The following PMFBP1 variants were observed in gnomAD, a reference collection of about 807,000 sequenced individuals.
PMFBP1 encodes polyamine modulated factor 1 binding protein 1.
In PMFBP1, 131 loss-of-function variants were observed where a neutral mutation model predicts 137.8. That is an observed-to-expected ratio of 0.95 (90% CI 0.82 to 1.10). PMFBP1 has a LOEUF of 1.10. Ranked by LOEUF, PMFBP1 falls within the 50% of genes least tolerant of loss-of-function variation. PMFBP1 has a pLI of 0.00. For synonymous variants in PMFBP1, 490 were observed against 450.4 expected (o/e 1.09, Z -1.11); for missense variants, 1,199 against 1,175.4 (o/e 1.02, Z -0.29).
intron 19 of PMFBP1, among the ~76,000 whole-genome samples, chr16:72,121,837 A>G (rs1281116249): frequency 6.6e-6 from 1 of 152,194 alleles, no homozygotes; most frequent in Admixed American, 6.5e-5. Context: ...GCTGTCGTCC[A>G]GGCTAGTCTT....
chr16:72,136,824 C>G lies in PMFBP1; in HGVS notation c.919-5G>C, dbSNP rs547363080. The G allele has an allele frequency of 6.2e-7, 1 of 1,614,044 alleles. No homozygotes were observed. Among genetic ancestry groups the G allele is most frequent in the Middle Eastern group, 1.6e-4 (1 of 6,062 alleles). On this transcript the variant is annotated splice_region_variant and splice_polypyrimidine_tract_variant and intron_variant, in intron 7 of 20. Coordinates refer to ENST00000237353, the MANE Select transcript of PMFBP1 (RefSeq NM_031293.3). ...CTCCTGCAAGTGCTTCAGTATCTGG[C>G]AGATGGAAGAACAGGGCAGGATGAG...
chr16:72,237,828 T>C, the PMFBP1 span, among the ~76,000 whole-genome samples: 1 of 152,154 alleles, frequency 6.6e-6, no homozygotes, highest in African/African-American at 2.4e-5. Flanking sequence ...CCCCAGTGTT[T>C]ATTGTTCCCC....
chr16:72,123,566 C>T lies in PMFBP1; in HGVS notation c.2673G>A (p.Glu891=), dbSNP rs1253228240. The T allele has an allele frequency of 1.1e-5, 17 of 1,614,008 alleles. No homozygotes were observed. The highest frequency in any genetic ancestry group is 1.4e-5 in the Non-Finnish European group (16 of 1,179,970). ...CTCACTTCTGCTGTTTTGCCCATTG[C>T]TCCAAGTTGGTCATAATCTGATCAT... is the stretch of plus-strand genomic sequence containing the variant. ...RGNDQIMTNL[E]QWAKQQKVAN... The change falls in exon 18 of 21, where the codon GAG becomes GAA. Residue 891 remains glutamate, a synonymous_variant. Coordinates refer to ENST00000237353, the MANE Select transcript of PMFBP1 (RefSeq NM_031293.3).
chr16:72,223,494 T>C, the PMFBP1 span, among the ~76,000 whole-genome samples: 1 of 152,200 alleles, frequency 6.6e-6, no homozygotes, highest in Non-Finnish European at 1.5e-5. Flanking sequence ...TTGTTTACAG[T>C]TGGTGTTCTC....
the PMFBP1 span, among the ~76,000 whole-genome samples, chr16:72,249,277 G>A: frequency 2.6e-5 from 4 of 151,596 alleles, no homozygotes; most frequent in African/African-American, 7.3e-5. Flanking sequence ...GTCACCTCAG[G>A]ACTTTTGATA....
the PMFBP1 span, among the ~76,000 whole-genome samples, chr16:72,215,722 A>G: frequency 6.6e-6 from 1 of 152,218 alleles, no homozygotes; most frequent in South Asian, 2.1e-4. Flanking sequence ...TACTCCCTGT[A>G]AAAACACACA....
intron 14 of PMFBP1, chr16:72,128,308 T>G: frequency 8.6e-7 from 1 of 1,159,952 alleles, no homozygotes; most frequent in Admixed American, 3.5e-5. Flanking sequence ...TTCATCTCCT[T>G]TTTGTGCTTT....
upstream of PMFBP1, among the ~76,000 whole-genome samples, chr16:72,176,333 C>A (rs1235792313): frequency 6.6e-6 from 1 of 152,208 alleles, no homozygotes; most frequent in Non-Finnish European, 1.5e-5. Flanking sequence ...TTCTTTGCTA[C>A]CTTTCACAGA....
the PMFBP1 span, among the ~76,000 whole-genome samples, chr16:72,228,748 T>C: frequency 1.3e-5 from 2 of 152,200 alleles, no homozygotes; most frequent in African/African-American, 4.8e-5. Context: ...GGATGACCAC[T>C]TTTAGGCTTC....
chr16:72,197,143 G>A, the PMFBP1 span, among the ~76,000 whole-genome samples: 3 of 152,172 alleles, frequency 2.0e-5, no homozygotes, highest in Non-Finnish European at 4.4e-5. Flanking sequence ...AAGCCACAAT[G>A]CAAAAGAAGA....
Position 72,130,236 on chromosome 16 carries a change from T to C in PMFBP1, c.1759A>G (p.Met587Val). ...VAEQDMKMND[M>V]LDRIKHQHRE... ...ACCTGGTGCTTGATACGATCAAGCA[T>C]GTCATTCATTTTCATATCCTGCTCA... The change falls in exon 12 of 21, where the codon ATG (methionine) becomes GTG (valine). Residue 587 changes from methionine to valine, a missense_variant. Transcript: ENST00000237353. The C allele has an allele frequency of 6.2e-7, 1 of 1,613,868 alleles. No individual in the cohort carries two copies. The highest frequency in any genetic ancestry group is 1.1e-5 in the South Asian group (1 of 91,086).
At chr16:72,241,875 C>A in the PMFBP1 span, among the ~76,000 whole-genome samples, 1 of 152,204 alleles carries the variant, frequency 6.6e-6, no homozygotes, top group Non-Finnish European at 1.5e-5. Context: ...TCTGTTTTAA[C>A]TAAGACATTT....
the PMFBP1 span, among the ~76,000 whole-genome samples, chr16:72,188,940 C>T: frequency 3.0e-3 from 459 of 152,238 alleles, 1 homozygote; most frequent in Non-Finnish European, 5.1e-3. Context: ...ACAGGGTCCC[C>T]GACCAAGGGA....
At chr16:72,150,928 AC>A in intron 4 of PMFBP1, 99 bp from the exon 5 acceptor site, 1 of 943,000 alleles carries the variant, frequency 1.1e-6, no homozygotes, top group Non-Finnish European at 1.7e-6. Context: ...TTGTATCTGA[AC>A]CAGAAGACCA....
the PMFBP1 span, among the ~76,000 whole-genome samples, chr16:72,244,349 A>AC: frequency 2.0e-5 from 3 of 152,218 alleles, no homozygotes; most frequent in African/African-American, 7.2e-5. Flanking sequence ...GTAGCTAGAG[A>AC]CCAGAGTCCC....
chr16:72,215,514 A>G, the PMFBP1 span, among the ~76,000 whole-genome samples: 1 of 152,200 alleles, frequency 6.6e-6, no homozygotes, highest in Admixed American at 6.5e-5. Flanking sequence ...TTTATACCCA[A>G]CTAAATAATA....
the PMFBP1 span, among the ~76,000 whole-genome samples, chr16:72,214,240 G>A: frequency 2.0e-5 from 3 of 152,014 alleles, no homozygotes; most frequent in Admixed American, 2.0e-4. Context: ...CATCGCCCAG[G>A]CTGGAGTGCA....
chr16:72,247,855 T>G, the PMFBP1 span, among the ~76,000 whole-genome samples: 1 of 152,196 alleles, frequency 6.6e-6, no homozygotes, highest in African/African-American at 2.4e-5. Flanking sequence ...AATGGCTATG[T>G]TTTTGTTTGG....
chr16:72,125,325 C>T lies in PMFBP1; in HGVS notation c.2334G>A (p.Glu778=). The T allele has an allele frequency of 6.2e-7, 1 of 1,614,142 alleles. No homozygotes were observed. Among genetic ancestry groups the T allele is most frequent in the Non-Finnish European group, 8.5e-7 (1 of 1,180,020 alleles). ...QTQEKKAQLE[E]EIIAYEERMK... ...TCCTTTCCTCATAAGCAATGATTTC[C>T]TCTTCCAGCTGAGCTTTCTTCTCTT... The change falls in exon 16 of 21, where the codon GAG becomes GAA. Residue 778 remains glutamate (E), a synonymous_variant. Coordinates refer to ENST00000237353, the MANE Select transcript of PMFBP1 (RefSeq NM_031293.3).
Sources: gnomAD v4.1 joint callset for allele counts (sites outside exome capture counted in the v4.1 genomes callset) on GRCh38, gnomAD v4.1.1 for gene constraint, MANE v1.5 for transcripts, NCBI Gene and HGNC (gene_info 2026-07-23, HGNC 2026-07-21) for gene names.